Variants in SLC24A2 observed in about 807,000 individuals in gnomAD.
SLC24A2 encodes solute carrier family 24 member 2.
A neutral mutation model predicts 62.0 loss-of-function variants in SLC24A2; 36 were observed. That is an observed-to-expected ratio of 0.58 (90% CI 0.44 to 0.77). The LOEUF (loss-of-function observed/expected upper bound fraction) is 0.77, where lower values mean the gene tolerates loss of function less well. Among genes scored for constraint, SLC24A2 ranks in the 30% least tolerant of loss-of-function variants. The pLI is 0.00. For missense variants in SLC24A2, 846 were observed against 817.9 expected (o/e 1.03, Z -0.42); for synonymous variants, 358 against 294.0 (o/e 1.22, Z -2.23).
At chr9:20,112,703 C>G in the SLC24A2 span, among the ~76,000 whole-genome samples, 2 of 152,048 alleles carry the variant, frequency 1.3e-5, no homozygotes, top group African/African-American at 4.8e-5. Context: ...TTTCTCCCTG[C>G]TCAGATTTGC....
chr9:20,078,303 C>T, the SLC24A2 span, among the ~76,000 whole-genome samples: 31 of 152,096 alleles, frequency 2.0e-4, 1 homozygote, highest in African/African-American at 7.2e-4. Flanking sequence ...CCAGCCTCCC[C>T]ACTTCCCCAC....
the SLC24A2 span, among the ~76,000 whole-genome samples, chr9:19,907,673 A>T: frequency 3.3e-5 from 5 of 152,216 alleles, no homozygotes; most frequent in Admixed American, 6.5e-5. Flanking sequence ...AATCACAAGC[A>T]TTCGTATACA....
chr9:19,636,242 A>G (rs1440757547), intron 2 of SLC24A2, among the ~76,000 whole-genome samples: 2 of 151,612 alleles, frequency 1.3e-5, no homozygotes. Context: ...AATACTATTT[A>G]GTGCTAGGTG....
rs150191157 is a variant in SLC24A2 at position 19,685,055 on chromosome 9, A to C, written c.931-62756T>G. ...ACTAGCATTTCTGTATAAGTACTGC[A>C]TGCTAACTGACTGCGCCACTGGAGC... On this transcript the variant is annotated intron_variant, in intron 2 of 10. Coordinates refer to ENST00000341998, the MANE Select transcript of SLC24A2 (RefSeq NM_020344.4). Among the ~76,000 whole-genome samples the C allele has an allele frequency of 1.6e-4, 25 of 152,248 alleles. No individual in the cohort carries two copies. The East Asian group carries it at 4.6e-3, about 28-fold the overall frequency.
chr9:19,766,416 T>A (rs1200016043), intron 2 of SLC24A2, among the ~76,000 whole-genome samples: 1 of 152,254 alleles, frequency 6.6e-6, no homozygotes, highest in East Asian at 1.9e-4. Context: ...TGCTCTGTTT[T>A]TTCCTCATCT....
At chr9:19,522,522 T>A (rs753550478) in intron 9 of SLC24A2, among the ~76,000 whole-genome samples, 1 of 152,240 alleles carries the variant, frequency 6.6e-6, no homozygotes, top group Non-Finnish European at 1.5e-5. Context: ...CTTATTTTTA[T>A]AAGAAATAGT....
the SLC24A2 span, among the ~76,000 whole-genome samples, chr9:20,075,023 A>G: frequency 6.6e-6 from 1 of 152,182 alleles, no homozygotes; most frequent in Admixed American, 6.5e-5. Context: ...TATAAGCTCC[A>G]TTCAGCTCTA....
the SLC24A2 span, among the ~76,000 whole-genome samples, chr9:19,897,337 T>G: frequency 6.6e-6 from 1 of 152,190 alleles, no homozygotes; most frequent in Non-Finnish European, 1.5e-5. Context: ...AAAATAAAAT[T>G]TTTATCTTCC....
upstream of SLC24A2, among the ~76,000 whole-genome samples, chr9:19,789,125 C>CGG (rs1356066910): frequency 6.6e-6 from 1 of 152,214 alleles, no homozygotes; most frequent in Non-Finnish European, 1.5e-5. Context: ...GCGCTGGGAG[C>CGG]GGGGCCGCAG....
intron 2 of SLC24A2, among the ~76,000 whole-genome samples, chr9:19,702,990 T>C (rs1820401850): frequency 2.0e-5 from 3 of 152,130 alleles, no homozygotes; most frequent in Admixed American, 1.3e-4. Context: ...TGCAATGCAA[T>C]GAAAACAAAA....
chr9:20,113,978 TG>T, the SLC24A2 span, among the ~76,000 whole-genome samples: 1 of 152,132 alleles, frequency 6.6e-6, no homozygotes, highest in East Asian at 1.9e-4. Context: ...ACCCTATGAT[TG>T]CCCCCACTTT....
chr9:20,037,449 T>C, the SLC24A2 span, among the ~76,000 whole-genome samples: 1 of 152,184 alleles, frequency 6.6e-6, no homozygotes, highest in East Asian at 1.9e-4. Context: ...TGATGCACAA[T>C]TAGGTTGATT....
chr9:19,715,325 T>C (rs1054881443), intron 2 of SLC24A2, among the ~76,000 whole-genome samples: 5 of 152,222 alleles, frequency 3.3e-5, no homozygotes, highest in African/African-American at 1.2e-4. Context: ...GGCAGAAAGA[T>C]GATCAAAGAT....
chr9:19,545,778 A>G (rs951056209), intron 8 of SLC24A2, among the ~76,000 whole-genome samples: 1 of 151,952 alleles, frequency 6.6e-6, no homozygotes, highest in African/African-American at 2.4e-5. Flanking sequence ...AGCTGGGACT[A>G]CAGGCACCCA....
At chr9:19,929,105 G>C in the SLC24A2 span, 2 of 152,144 alleles carry the variant, frequency 1.3e-5, no homozygotes, top group African/African-American at 2.4e-5. Context: ...CGCTTTGTCT[G>C]GAGAATAACC....
At chr9:19,918,899 CA>C in the SLC24A2 span, among the ~76,000 whole-genome samples, 1 of 152,278 alleles carries the variant, frequency 6.6e-6, no homozygotes, top group South Asian at 2.1e-4. Flanking sequence ...ACTGTGCAAC[CA>C]CCACATAGAA....
At chr9:20,250,593 G>T in the SLC24A2 span, among the ~76,000 whole-genome samples, 13 of 152,246 alleles carry the variant, frequency 8.5e-5, no homozygotes, top group Admixed American at 5.2e-4. Context: ...AAAAGAGTGG[G>T]AATGTCAGTA....
At chr9:20,021,570 G>A in the SLC24A2 span, among the ~76,000 whole-genome samples, 3 of 151,876 alleles carry the variant, frequency 2.0e-5, no homozygotes, top group East Asian at 1.9e-4. Flanking sequence ...ATGAGGCAAC[G>A]TAGGTTCAAG....
the SLC24A2 span, among the ~76,000 whole-genome samples, chr9:19,992,791 C>T: frequency 6.6e-6 from 1 of 152,182 alleles, no homozygotes; most frequent in Non-Finnish European, 1.5e-5. Flanking sequence ...TCTGATCATA[C>T]AGTAAATGTA....
Sources: gnomAD v4.1 joint callset for allele counts (sites outside exome capture counted in the v4.1 genomes callset) on GRCh38, gnomAD v4.1.1 for gene constraint, MANE v1.5 for transcripts, NCBI Gene and HGNC (gene_info 2026-07-23, HGNC 2026-07-21) for gene names.